The following RREB1 variants were observed in gnomAD, a reference collection of about 807,000 sequenced individuals.
RREB1 encodes ras responsive element binding protein 1, also known as ras-responsive element-binding protein 1.
In RREB1, 27 loss-of-function variants were observed where a neutral mutation model predicts 117.8. The ratio of observed to expected loss-of-function variants is 0.23; its 90% CI spans 0.17 to 0.32. The LOEUF is 0.32. Ranked by LOEUF, RREB1 falls within the 10% of genes least tolerant of loss-of-function variation. The probability of loss-of-function intolerance (pLI) is 1.00; values close to 1 mark genes in which losing one functional copy is unlikely to be tolerated. For synonymous variants in RREB1, 1,298 were observed against 1,026.7 expected (o/e 1.26, Z -5.05); for missense variants, 2,577 against 2,378.2 (o/e 1.08, Z -1.74).
At position 7,230,004 on chromosome 6, in the gene RREB1, G is replaced by A. The variant is rs780891478; in HGVS notation, c.1905G>A (p.Thr635=). ...TGACAGCGCCCGGCGGCAAGAAGACGCCCGCCATGCGCAAGGTGCTCTACC... is the reference window on the plus strand; with the variant it reads ...TGACAGCGCCCGGCGGCAAGAAGACACCCGCCATGCGCAAGGTGCTCTACC... The part of the protein sequence containing the change: ...AFMTAPGGKK[T]PAMRKVLYPC... The change falls in exon 10 of 13, where the codon ACG becomes ACA. Residue 635 remains threonine, a synonymous_variant. Coordinates refer to ENST00000379938, the MANE Select transcript of RREB1 (RefSeq NM_001003699.4). The A allele has an allele frequency of 6.8e-6, 11 of 1,607,848 alleles. No individual in the cohort carries two copies. Among genetic ancestry groups the A allele is most frequent in the Admixed American group, 6.7e-5 (4 of 59,738 alleles).
intron 1 of RREB1, among the ~76,000 whole-genome samples, chr6:7,149,762 A>G (rs1047079714): frequency 5.3e-5 from 8 of 152,198 alleles, no homozygotes; most frequent in African/African-American, 2.4e-5. Flanking sequence ...ATCTCGGCTC[A>G]CTGCAACCTG....
intron 1 of RREB1, among the ~76,000 whole-genome samples, chr6:7,128,510 C>T (rs1762026941): frequency 6.6e-6 from 1 of 152,100 alleles, no homozygotes; most frequent in Non-Finnish European, 1.5e-5. Flanking sequence ...GTTATTTTCT[C>T]CTTTTTAAAG....
chr6:7,231,041 T>G lies in RREB1; in HGVS notation c.2942T>G (p.Val981Gly), dbSNP rs769060151. The G allele has an allele frequency of 1.2e-6, 2 of 1,613,842 alleles. No individual in the cohort carries two copies. Among genetic ancestry groups the G allele is most frequent in the East Asian group, 4.5e-5 (2 of 44,854 alleles). ...CCAGCACCCGGCCCTTCTCTTCCTGTAACTTTGGGGCCCAGCGGAATCCTG... is the reference window on the plus strand; with the variant it reads ...CCAGCACCCGGCCCTTCTCTTCCTGGAACTTTGGGGCCCAGCGGAATCCTG... ...PCPAPGPSLP[V>G]TLGPSGILES... The change falls in exon 10 of 13, where the codon GTA becomes GGA. Residue 981 changes from valine (V) to glycine (G), a missense_variant. Coordinates refer to ENST00000379938, the MANE Select transcript of RREB1 (RefSeq NM_001003699.4).
intron 1 of RREB1, among the ~76,000 whole-genome samples, chr6:7,155,368 A>T (rs527026): frequency 6.6e-6 from 1 of 152,088 alleles, no homozygotes; most frequent in Non-Finnish European, 1.5e-5. Flanking sequence ...GTGCAGTGGC[A>T]CGATCTTGGC....
Position 7,231,664 on chromosome 6 carries a change from G to C in RREB1, c.3565G>C (p.Asp1189His). ...ASIEKMLATT[D>H]TNKFSPFLQT... ...CATCGAGAAGATGCTGGCCACCACA[G>C]ACACCAACAAGTTCAGTCCGTTTCT... The change falls in exon 10 of 13, where the codon GAC (aspartate) becomes CAC (histidine). Residue 1189 changes from aspartate to histidine, a missense_variant. Physicochemically the swap from Asp to His is moderately conservative, Grantham distance 81 (BLOSUM62 -1). Coordinates refer to ENST00000379938, the MANE Select transcript of RREB1 (RefSeq NM_001003699.4). The C allele has an allele frequency of 1.9e-6, 3 of 1,611,772 alleles. No individual in the cohort carries two copies. Among genetic ancestry groups the C allele is most frequent in the Non-Finnish European group, 2.5e-6 (3 of 1,178,590 alleles).
At chr6:7,176,532 G>A (rs558118186) in intron 1 of RREB1, 123 bp from the exon 2 acceptor site, 3 of 152,892 alleles carry the variant, frequency 2.0e-5, no homozygotes, top group Admixed American at 2.0e-4. Context: ...CAGCTTGCTT[G>A]TAATTGCAGG....
chr6:7,237,220 G>A (rs1009250429), intron 10 of RREB1, among the ~76,000 whole-genome samples: 1 of 152,012 alleles, frequency 6.6e-6, no homozygotes, highest in Non-Finnish European at 1.5e-5. Flanking sequence ...AGAGTAGCTG[G>A]GATTACAGGT....
rs1241685321 is a variant in RREB1, at chr6:7,126,149, G to GC, written c.-285+18090dup. Reference sequence around the variant, plus strand: ...CCTGAGTAGCTGGGATTACAGGTGCGCACCACCACACCCAGCTAATTTTTG... The same window carrying GC: ...CCTGAGTAGCTGGGATTACAGGTGCGCCACCACCACACCCAGCTAATTTTTG... On this transcript the variant is annotated intron_variant, in intron 1 of 12. Coordinates refer to ENST00000379938, the MANE Select transcript of RREB1 (RefSeq NM_001003699.4). Among the ~76,000 whole-genome samples the GC allele has an allele frequency of 1.3e-4, 20 of 150,926 alleles. No homozygotes were observed. In the East Asian group the frequency reaches 3.6e-3, roughly 27 times the overall value.
chr6:7,139,582 CAAAT>C (rs773278087), intron 1 of RREB1, among the ~76,000 whole-genome samples: 17 of 152,110 alleles, frequency 1.1e-4, no homozygotes, highest in East Asian at 1.9e-4. Context: ...GCTATTCAAA[CAAAT>C]AAATATTCGA....
chr6:7,247,835 A>G (rs531396043), intron 12 of RREB1, among the ~76,000 whole-genome samples: 27 of 152,356 alleles, frequency 1.8e-4, no homozygotes, highest in Non-Finnish European at 3.1e-4. Context: ...GAATATGCTC[A>G]TGGAGTCCAG....
At chr6:7,192,336 G>A (rs1214471621) in intron 6 of RREB1, among the ~76,000 whole-genome samples, 1 of 151,812 alleles carries the variant, frequency 6.6e-6, no homozygotes, top group Non-Finnish European at 1.5e-5. Context: ...GGGACTACAG[G>A]CGTGCACCAC....
rs116770683 is a variant in RREB1 at position 7,123,976 on chromosome 6, C to G, written c.-285+15916C>G. ...CTTCGTGTACCCAAAGGCCTGTCAT[C>G]TTGCTAAGAATGCGGCATTGGGATA... is the stretch of plus-strand genomic sequence containing the variant. On this transcript the variant is annotated intron_variant, in intron 1 of 12. Transcript: ENST00000379938. 3.9e-3 allele frequency among the ~76,000 whole-genome samples: 587 copies of G among 152,266 alleles called. 2 individuals are homozygous for G. Among genetic ancestry groups the G allele is most frequent in the African/African-American group, 0.014 (564 of 41,548 alleles).
chr6:7,181,362 T>G (rs1301781836), intron 3 of RREB1, 116 bp downstream of exon 3: 3 of 400,762 alleles, frequency 7.5e-6, no homozygotes, highest in African/African-American at 6.2e-5. Flanking sequence ...TGTTTGTAAC[T>G]CTGATAGCGT....
At chr6:7,183,237 C>T (rs998493152) in intron 4 of RREB1, 1 of 152,238 alleles carries the variant, frequency 6.6e-6, no homozygotes, top group Non-Finnish European at 1.5e-5. Flanking sequence ...TTGTGCCTCT[C>T]TTCCTGTGGG....
chr6:7,196,064 C>A (rs891900576), intron 6 of RREB1, among the ~76,000 whole-genome samples: 2 of 152,194 alleles, frequency 1.3e-5, no homozygotes, highest in Non-Finnish European at 2.9e-5. Flanking sequence ...CTCCTGCTCA[C>A]CCCCTGCTCT....
intron 1 of RREB1, among the ~76,000 whole-genome samples, chr6:7,172,603 C>T (rs755188969): frequency 2.0e-5 from 3 of 151,988 alleles, no homozygotes; most frequent in Non-Finnish European, 2.9e-5. Flanking sequence ...CAGAGTTGGA[C>T]GAAGCAGCTC....
chr6:7,202,510 G>A (rs1049363184), intron 6 of RREB1, among the ~76,000 whole-genome samples: 1 of 152,184 alleles, frequency 6.6e-6, no homozygotes, highest in Non-Finnish European at 1.5e-5. Flanking sequence ...GGTCTCTGGT[G>A]GCCGGCGATG....
chr6:7,117,124 T>C (rs567011896), intron 1 of RREB1, among the ~76,000 whole-genome samples: 1 of 152,358 alleles, frequency 6.6e-6, no homozygotes, highest in African/African-American at 2.4e-5. Flanking sequence ...TGTGTTTGTA[T>C]GTGTCTGTGT....
chr6:7,233,973 A>G (rs892143595), intron 10 of RREB1, among the ~76,000 whole-genome samples: 1 of 152,192 alleles, frequency 6.6e-6, no homozygotes, highest in African/African-American at 2.4e-5. Flanking sequence ...TGCCACACAG[A>G]CACGGCATTT....
Sources: gnomAD v4.1 joint callset for allele counts (sites outside exome capture counted in the v4.1 genomes callset) on GRCh38, gnomAD v4.1.1 for gene constraint, MANE v1.5 for transcripts, NCBI Gene and HGNC (gene_info 2026-07-23, HGNC 2026-07-21) for gene names.